The following LRPPRC variants were observed in gnomAD, a reference collection of about 807,000 sequenced individuals.
LRPPRC encodes leucine rich pentatricopeptide repeat containing.
Under a neutral mutation model 180.3 loss-of-function variants are expected in LRPPRC, and 120 were observed. The observed-to-expected ratio is 0.67, with a 90% CI of 0.57 to 0.77. The LOEUF (loss-of-function observed/expected upper bound fraction) is 0.77. Ranked by LOEUF, LRPPRC falls within the 30% of genes least tolerant of loss-of-function variation. The probability of loss-of-function intolerance (pLI) is 0.00; values close to 1 mark genes in which losing one functional copy is unlikely to be tolerated. For synonymous variants in LRPPRC, 723 were observed against 600.0 expected, an observed-to-expected ratio of 1.21 and a Z score of -3.00; for missense variants, 2,012 against 1,657.2, an observed-to-expected ratio of 1.21 and a Z score of -3.72.
chr2:43,918,086 T>TGAG lies in LRPPRC; in HGVS notation c.3084_3086dup (p.Ser1029dup). ...CTTTCTGGAAATCAGGTTCTGTGGT[T>TGAG]GAGGCTGACGAAGAATTCAGGGAAT... On this transcript the variant is annotated inframe_insertion, in exon 29 of 38. Coordinates refer to ENST00000260665, the MANE Select transcript of LRPPRC (RefSeq NM_133259.4). The TGAG allele has an allele frequency of 6.2e-7, 1 of 1,613,992 alleles. No individual in the cohort carries two copies. The highest frequency in any genetic ancestry group is 8.5e-7 in the Non-Finnish European group (1 of 1,179,978).
intron 3 of LRPPRC, among the ~76,000 whole-genome samples, chr2:43,979,214 G>C (rs1477158412): frequency 1.3e-5 from 2 of 152,018 alleles, no homozygotes; most frequent in Admixed American, 1.3e-4. Flanking sequence ...CATCCTTCTA[G>C]AAATATTTTA....
At chr2:43,969,996 CAAT>C (rs1383767575) in intron 11 of LRPPRC, among the ~76,000 whole-genome samples, 2 of 151,978 alleles carry the variant, frequency 1.3e-5, no homozygotes, top group African/African-American at 4.8e-5. Flanking sequence ...TTAATAGGAG[CAAT>C]AATAACTTAA....
At chr2:43,996,014 G>C (rs1428701592), upstream of LRPPRC, 7 of 1,494,086 alleles carry the variant, frequency 4.7e-6, no homozygotes, top group Non-Finnish European at 6.2e-6. Context: ...GTGACCGCAG[G>C]GTAGCCTGGC....
At chr2:43,897,554 G>C (rs1171608123) in intron 34 of LRPPRC, among the ~76,000 whole-genome samples, 1 of 152,072 alleles carries the variant, frequency 6.6e-6, no homozygotes, top group African/African-American at 2.4e-5. Context: ...CTTCGCTACG[G>C]CAAGAATAAT....
At chr2:43,917,982 A>G in intron 29 of LRPPRC, 43 bp downstream of exon 29, 1 of 1,397,666 alleles carries the variant, frequency 7.2e-7, no homozygotes, top group Non-Finnish European at 1.0e-6. Flanking sequence ...ATTAGAAAGA[A>G]GACCACCCCC....
intron 16 of LRPPRC, among the ~76,000 whole-genome samples, chr2:43,949,015 A>C (rs1672799972): frequency 6.6e-6 from 1 of 152,212 alleles, no homozygotes; most frequent in African/African-American, 2.4e-5. Flanking sequence ...TAGCCAATGA[A>C]AAACCAAGAT....
rs568643516 is a variant in LRPPRC at position 43,959,967 on chromosome 2, A to C, written c.1582+574T>G. Among the ~76,000 whole-genome samples the C allele has an allele frequency of 5.9e-5, 9 of 152,354 alleles. No individual in the cohort carries two copies. In the South Asian group the frequency reaches 1.2e-3, roughly 21 times the overall value. ...GTCTGAACATCTTACTTCTGGTTCA[A>C]ATCACTAACCTTGGGCAAATCATTT... On this transcript the variant is annotated intron_variant, in intron 13 of 37. Coordinates refer to ENST00000260665, the MANE Select transcript of LRPPRC (RefSeq NM_133259.4).
chr2:43,964,389 A>G (rs1267640940), intron 11 of LRPPRC, among the ~76,000 whole-genome samples: 3 of 152,196 alleles, frequency 2.0e-5, no homozygotes, highest in African/African-American at 7.2e-5. Context: ...CTGTCAGATT[A>G]CTCAAGTATC....
At chr2:43,945,486 T>C (rs745829526) in intron 21 of LRPPRC, 69 bp from the exon 22 acceptor site, 13 of 887,314 alleles carry the variant, frequency 1.5e-5, no homozygotes, top group Admixed American at 5.3e-5. Flanking sequence ...GCAACATCCA[T>C]TTAATCACTT....
intron 25 of LRPPRC, 21 bp downstream of exon 25, chr2:43,934,169 A>G (rs1303306694): frequency 7.5e-7 from 1 of 1,325,568 alleles, no homozygotes; most frequent in East Asian, 2.3e-5. Context: ...TACAATTAGA[A>G]CACTGTAGTT....
Position 43,978,162 on chromosome 2 carries a change from C to T in LRPPRC, c.470-886G>A, listed in dbSNP as rs1240533729. On this transcript the variant is annotated intron_variant, in intron 3 of 37. Transcript: ENST00000260665. ...AGACACTATTATCAGCCCCATCTTA[C>T]AGATAGCTCAGATCTGTCAACAGCT... Among the ~76,000 whole-genome samples the T allele has an allele frequency of 1.2e-4, 19 of 152,278 alleles. No homozygotes were observed. In the South Asian group the frequency reaches 2.9e-3, roughly 23 times the overall value.
intron 11 of LRPPRC, among the ~76,000 whole-genome samples, chr2:43,969,354 G>A (rs530903521): frequency 2.0e-5 from 3 of 151,342 alleles, no homozygotes; most frequent in Non-Finnish European, 2.9e-5. Context: ...AGAGCTTGCA[G>A]TGAGCCGACA....
At chr2:43,906,549 A>G (rs1671073527) in intron 30 of LRPPRC, among the ~76,000 whole-genome samples, 1 of 152,224 alleles carries the variant, frequency 6.6e-6, no homozygotes, top group Admixed American at 6.5e-5. Context: ...ATCTCCTGTG[A>G]TGAAATTTCT....
intron 14 of LRPPRC, among the ~76,000 whole-genome samples, chr2:43,956,957 T>C (rs1319326771): frequency 6.6e-6 from 1 of 152,232 alleles, no homozygotes; most frequent in African/African-American, 2.4e-5. Flanking sequence ...TCAGCTTTTA[T>C]GTTTATCTAT....
At chr2:43,928,618 G>A (rs913810158) in intron 25 of LRPPRC, among the ~76,000 whole-genome samples, 1 of 152,106 alleles carries the variant, frequency 6.6e-6, no homozygotes, top group African/African-American at 2.4e-5. Flanking sequence ...GGAGAAGGTG[G>A]TATGCACCTG....
chr2:43,961,810 A>C (rs1243412369), intron 12 of LRPPRC, among the ~76,000 whole-genome samples: 2 of 152,082 alleles, frequency 1.3e-5, no homozygotes, highest in Admixed American at 6.5e-5. Flanking sequence ...AAAATACAAA[A>C]ATCAGCTGGG....
At chr2:43,889,706 T>G (rs746594599) in intron 37 of LRPPRC, 28 bp downstream of exon 37, 5 of 1,576,072 alleles carry the variant, frequency 3.2e-6, no homozygotes, top group Non-Finnish European at 4.4e-6. Flanking sequence ...GCAGAGGTAT[T>G]TTTTCCCCTT....
intron 11 of LRPPRC, among the ~76,000 whole-genome samples, chr2:43,971,785 A>C (rs1440571945): frequency 6.6e-5 from 10 of 152,124 alleles, no homozygotes; most frequent in African/African-American, 1.9e-4. Flanking sequence ...AACTATAAAG[A>C]ATACATACAG....
intron 31 of LRPPRC, among the ~76,000 whole-genome samples, chr2:43,905,340 C>G (rs1041497695): frequency 2.6e-5 from 4 of 152,152 alleles, no homozygotes; most frequent in Non-Finnish European, 4.4e-5. Flanking sequence ...ATGTTAATTT[C>G]CAAAGCAAAA....
Sources: allele counts gnomAD v4.1 joint callset (sites outside exome capture counted in the v4.1 genomes callset), GRCh38; gene constraint gnomAD v4.1.1; transcripts MANE v1.5; gene names NCBI Gene and HGNC (gene_info 2026-07-23, HGNC 2026-07-21).